RBM6: variants seen among roughly 807,000 people sequenced by gnomAD.
The protein encoded by RBM6 is RNA-binding protein 6.
In RBM6, 23 loss-of-function variants were observed where a neutral mutation model predicts 140.4. The observed-to-expected ratio is 0.16, with a 90% CI of 0.12 to 0.23. The LOEUF (loss-of-function observed/expected upper bound fraction) is 0.23, where lower values mean the gene tolerates loss of function less well. Ranked by LOEUF, RBM6 falls within the 10% of genes least tolerant of loss-of-function variation. The pLI, the probability that RBM6 is intolerant of heterozygous loss-of-function variation, is 1.00. For synonymous variants in RBM6, 439 were observed against 475.6 expected, an observed-to-expected ratio of 0.92 and a Z score of 1.00; for missense variants, 1,139 against 1,386.7, an observed-to-expected ratio of 0.82 and a Z score of 2.84.
intron 5 of RBM6, among the ~76,000 whole-genome samples, chr3:49,977,772 T>C (rs562079887): frequency 4.6e-5 from 7 of 152,336 alleles, no homozygotes; most frequent in Non-Finnish European, 8.8e-5. Context: ...TTGAAGAATA[T>C]GTCTTGGAAC....
intron 5 of RBM6, among the ~76,000 whole-genome samples, chr3:49,984,611 A>ATCGCATCGCATCGCATCGCATCGCATCG (rs1559552690): frequency 1.7e-4 from 15 of 86,148 alleles, no homozygotes; most frequent in South Asian, 5.6e-4. Context: ...ACATCACATC[A>ATCGCATCGCATCGCATCGCATCGCATCG]CATCGCATCG....
At position 50,070,653 on chromosome 3, in the gene RBM6, T is replaced by C. The variant is rs545008364; in HGVS notation, c.3116+101T>C. On this transcript the variant is annotated intron_variant, in intron 19 of 20. Coordinates refer to ENST00000266022, the MANE Select transcript of RBM6 (RefSeq NM_005777.3). ...TGTTTTCTGTCTCAGGGAGATGATA[T>C]TATGAGTAGATTCTGTCTGAACTGC... 530 of 839,460 alleles carry C rather than the reference T, an allele frequency of 6.3e-4. 2 individuals are homozygous for C. Among genetic ancestry groups the C allele is most frequent in the Non-Finnish European group, 9.4e-4 (470 of 501,938 alleles). 52.0% of individuals were successfully genotyped at this position (839,460 alleles called of 1,614,324 possible).
intron 1 of RBM6, among the ~76,000 whole-genome samples, chr3:49,950,387 A>G (rs2083682342): frequency 6.6e-6 from 1 of 152,178 alleles, no homozygotes; most frequent in Non-Finnish European, 1.5e-5. Context: ...CTGTGCTGCT[A>G]GAGGTGCAAT....
intron 18 of RBM6, 65 bp from the exon 19 acceptor site, chr3:50,070,390 G>T: frequency 8.7e-7 from 1 of 1,153,272 alleles, no homozygotes. Context: ...CAATGGGGTA[G>T]AATTTCCCCA....
intron 6 of RBM6, among the ~76,000 whole-genome samples, chr3:50,022,370 G>A (rs1161902944): frequency 2.7e-5 from 4 of 149,124 alleles, no homozygotes; most frequent in Admixed American, 1.3e-4. Context: ...CACCCTTGTT[G>A]CCCAGGCTAG....
At chr3:49,993,531 A>G (rs1444623923) in intron 5 of RBM6, among the ~76,000 whole-genome samples, 2 of 152,058 alleles carry the variant, frequency 1.3e-5, no homozygotes, top group Non-Finnish European at 2.9e-5. Context: ...AAACCTAGCT[A>G]CTCAGGAGGC....
chr3:49,975,221 TC>T, intron 4 of RBM6, 101 bp from the exon 5 acceptor site: 1 of 1,026,030 alleles, frequency 9.7e-7, no homozygotes, highest in Non-Finnish European at 1.5e-6. Context: ...TCCAAAGTAA[TC>T]ATGGCTTTAA....
At chr3:50,060,753 C>CAA (rs35467618) in intron 11 of RBM6, 6,486 of 122,048 alleles carry the variant, frequency 0.053, 35 homozygotes, top group East Asian at 0.092. Context: ...GACTCCGTCT[C>CAA]AAAAAAAAAA....
chr3:49,948,908 G>A (rs565077006), intron 1 of RBM6, among the ~76,000 whole-genome samples: 1 of 135,540 alleles, frequency 7.4e-6, no homozygotes, highest in African/African-American at 2.7e-5. Flanking sequence ...TTGGCTCACT[G>A]CAACCTCTGC....
In RBM6 at chr3:49,974,933, C is replaced by T. The variant is rs1311978687; in HGVS notation, c.1414-390C>T. On this transcript the variant is annotated intron_variant, in intron 4 of 20. Transcript: ENST00000266022. The stretch of plus-strand genomic sequence containing the variant: ...AACTCCTGACCTCAGGTTATCCACC[C>T]GCCTTGGATTCCCAAAGTGCTGGGA... Among the ~76,000 whole-genome samples, 3 of 151,960 alleles carry T rather than the reference C, an allele frequency of 2.0e-5. No individual in the cohort carries two copies. In the East Asian group the frequency reaches 5.8e-4, roughly 29 times the overall value.
intron 5 of RBM6, among the ~76,000 whole-genome samples, chr3:49,975,886 C>A (rs2085042135): frequency 6.6e-6 from 1 of 151,852 alleles, no homozygotes; most frequent in Non-Finnish European, 1.5e-5. Context: ...ATGAATAGAC[C>A]CAGAAGAGCT....
At chr3:50,036,958 T>A (rs543470147) in intron 6 of RBM6, among the ~76,000 whole-genome samples, 15 of 152,140 alleles carry the variant, frequency 9.9e-5, no homozygotes, top group Admixed American at 2.0e-4. Context: ...ATTTTTTTTT[T>A]AATTTTTAGT....
At chr3:50,004,576 G>A (rs1053970331) in intron 6 of RBM6, among the ~76,000 whole-genome samples, 1 of 149,198 alleles carries the variant, frequency 6.7e-6, no homozygotes, top group African/African-American at 2.5e-5. Flanking sequence ...GCCTCCCAAA[G>A]CACTGGGATT....
intron 5 of RBM6, among the ~76,000 whole-genome samples, chr3:49,979,039 T>G (rs1420563353): frequency 6.6e-6 from 1 of 152,130 alleles, no homozygotes; most frequent in East Asian, 1.9e-4. Flanking sequence ...CATGGATGAA[T>G]CTCAATGGCA....
intron 1 of RBM6, among the ~76,000 whole-genome samples, chr3:49,944,252 A>T (rs1456472562): frequency 6.6e-6 from 1 of 151,982 alleles, no homozygotes. Flanking sequence ...ATAATATTTG[A>T]TCTTTTGTGT....
chr3:50,036,627 T>C (rs1193207162), intron 6 of RBM6, among the ~76,000 whole-genome samples: 1 of 152,224 alleles, frequency 6.6e-6, no homozygotes, highest in East Asian at 1.9e-4. Context: ...AACCATAGCA[T>C]GTCTTCAATG....
intron 11 of RBM6, chr3:50,060,717 G>A (rs935817768): frequency 5.8e-5 from 14 of 242,652 alleles, no homozygotes; most frequent in African/African-American, 1.6e-4. Context: ...TCACGCCACC[G>A]CACTCCAGCC....
intron 10 of RBM6, chr3:50,059,335 C>G (rs2089845574): frequency 5.5e-6 from 1 of 182,700 alleles, no homozygotes; most frequent in African/African-American, 2.3e-5. Context: ...ATTTTTCATG[C>G]TCAAAAGTCA....
chr3:49,964,024 C>T (rs998418854), intron 2 of RBM6, among the ~76,000 whole-genome samples: 3 of 152,114 alleles, frequency 2.0e-5, no homozygotes, highest in African/African-American at 7.2e-5. Context: ...CCTTAGCCTC[C>T]TGAGTAGCTG....
Sources: allele counts gnomAD v4.1 joint callset (sites outside exome capture counted in the v4.1 genomes callset), GRCh38; gene constraint gnomAD v4.1.1; transcripts MANE v1.5; gene names NCBI Gene and HGNC (gene_info 2026-07-23, HGNC 2026-07-21).